Variants in TUBGCP4 observed in about 807,000 individuals in gnomAD.
The protein encoded by TUBGCP4 is gamma-tubulin complex component 4.
In TUBGCP4, 54 loss-of-function variants were observed where a neutral mutation model predicts 91.6. The observed-to-expected ratio is 0.59, with a 90% CI of 0.47 to 0.74. The LOEUF (loss-of-function observed/expected upper bound fraction) is 0.74. Ranked by LOEUF, TUBGCP4 falls within the 30% of genes least tolerant of loss-of-function variation. The probability of loss-of-function intolerance (pLI) is 0.00; values close to 1 mark genes in which losing one functional copy is unlikely to be tolerated. For missense variants in TUBGCP4, 593 were observed against 800.9 expected (o/e 0.74, Z 3.13); for synonymous variants, 297 against 302.8 (o/e 0.98, Z 0.20).
chr15:43,371,138 C>T lies in TUBGCP4; in HGVS notation c.-217C>T. On this transcript the variant is annotated 5_prime_UTR_variant, in exon 1 of 18. Transcript: ENST00000564079. ...GCCCGGGCGGGAGTAGCTGGTGGAC[C>T]CCGTTGAGCTGCCGAACTTCCGGGA... The T allele has an allele frequency of 3.3e-6, 2 of 604,598 alleles. No individual in the cohort carries two copies. Among genetic ancestry groups the T allele is most frequent in the East Asian group, 2.8e-5 (1 of 35,998 alleles). The allele number at this position is 604,598 out of a possible 1,614,324, so 37.5% of individuals were successfully genotyped here. A position where few individuals can be genotyped will look rare whatever the true frequency, so the allele number is the denominator to read the frequency against.
At chr15:43,395,724 T>G (rs1253238117) in intron 11 of TUBGCP4, 36 bp downstream of exon 11, 1 of 1,541,292 alleles carries the variant, frequency 6.5e-7, no homozygotes, top group East Asian at 2.2e-5. Context: ...ATCAACTGAT[T>G]GACATTGCAG....
chr15:43,381,616 C>G (rs1286861027), intron 6 of TUBGCP4, among the ~76,000 whole-genome samples: 1 of 151,964 alleles, frequency 6.6e-6, no homozygotes, highest in Non-Finnish European at 1.5e-5. Flanking sequence ...TGCCTGTAGT[C>G]CCAGCTACGG....
rs769525360 is a variant in TUBGCP4, at chr15:43,383,398, A to G, written c.617A>G (p.Lys206Arg). Residue 206 changes from lysine (K) to arginine (R), a missense_variant, in exon 7 of 18, where the codon AAA (lysine) becomes AGA (arginine). Lys to Arg is a conservative substitution (Grantham distance 26). Transcript: ENST00000564079. ...GACCAGCATGAAGAATTCTTTATCA[A>G]ACAGGGGCCATCTTCTGGTAATGTC... ...LLDQHEEFFI[K>R]QGPSSGNVSA... The G allele has an allele frequency of 1.1e-5, 17 of 1,614,144 alleles. No homozygotes were observed. Among genetic ancestry groups the G allele is most frequent in the Non-Finnish European group, 1.4e-5 (17 of 1,180,016 alleles).
intron 1 of TUBGCP4, among the ~76,000 whole-genome samples, chr15:43,375,784 C>T (rs1487426896): frequency 1.3e-5 from 2 of 152,184 alleles, no homozygotes; most frequent in African/African-American, 4.8e-5. Context: ...TCCTTAGAGA[C>T]CATCCCTAGA....
intron 1 of TUBGCP4, among the ~76,000 whole-genome samples, chr15:43,373,578 G>A (rs964929742): frequency 6.6e-6 from 1 of 151,732 alleles, no homozygotes; most frequent in African/African-American, 2.4e-5. Context: ...ACTTGCCTAA[G>A]CTTTCAAGCA....
chr15:43,409,092 T>C lies in TUBGCP4; in HGVS notation c.*3878T>C. The C allele has an allele frequency of 6.2e-7, 1 of 1,614,178 alleles. No individual in the cohort carries two copies. The highest frequency in any genetic ancestry group is 8.5e-7 in the Non-Finnish European group (1 of 1,180,004). Reference sequence around the variant, plus strand: ...AATTAGAAGACACTGGTAAGCTGTGTTACACTGCAAGAAAAGAAGCAGAGC... The same window carrying C: ...AATTAGAAGACACTGGTAAGCTGTGCTACACTGCAAGAAAAGAAGCAGAGC... On this transcript the variant is annotated 3_prime_UTR_variant, in exon 18 of 18. Coordinates refer to ENST00000564079, the MANE Select transcript of TUBGCP4 (RefSeq NM_014444.5).
At position 43,383,303 on chromosome 15, in the gene TUBGCP4, A is replaced by C. The variant is rs1385137848; in HGVS notation, c.522A>C (p.Lys174Asn). 1 of 1,612,496 alleles carries C rather than the reference A, an allele frequency of 6.2e-7. No individual in the cohort carries two copies. Among genetic ancestry groups the C allele is most frequent in the Non-Finnish European group, 8.5e-7 (1 of 1,179,122 alleles). The change falls in exon 7 of 18, where the codon AAA becomes AAC. Residue 174 changes from lysine to asparagine, a missense_variant and splice_region_variant. Lys to Asn is a moderately conservative substitution (Grantham distance 94). Transcript: ENST00000564079. ...GLPPVRSALE[K>N]ILAVCHGVMY... ...GCCTCTTACTTTCTACTCTGCCCAG[A>C]ATCCTGGCCGTTTGTCATGGGGTCA...
Position 43,403,722 on chromosome 15 carries a change from A to C in TUBGCP4, c.1771A>C (p.Ser591Arg). The C allele has an allele frequency of 2.5e-6, 4 of 1,613,348 alleles. No homozygotes were observed. Among genetic ancestry groups the C allele is most frequent in the Non-Finnish European group, 3.4e-6 (4 of 1,179,930 alleles). The part of the protein sequence containing the change: ...CLNEILDLCH[S>R]FCSLVSQNLG... ...GAATGAAATCCTAGATCTCTGTCAC[A>C]GTTTTTGTTCGCTGGTCAGTCAGAA... The change falls in exon 16 of 18, where the codon AGT (serine) becomes CGT (arginine). Residue 591 changes from serine (S) to arginine (R), a missense_variant. Ser to Arg is a moderately radical substitution (Grantham distance 110). Transcript: ENST00000564079.
In TUBGCP4 at chr15:43,408,092, T is replaced by C; in HGVS notation, c.*2878T>C. On this transcript the variant is annotated 3_prime_UTR_variant, in exon 18 of 18. Coordinates refer to ENST00000564079, the MANE Select transcript of TUBGCP4 (RefSeq NM_014444.5). ...GAAAGGATTTTCACGGGGTTGCCTA[T>C]GAAGGAGACAGGAAAGGACCTTAGC... The C allele has an allele frequency of 6.2e-7, 1 of 1,613,664 alleles. No individual in the cohort carries two copies. The highest frequency in any genetic ancestry group is 2.2e-5 in the East Asian group (1 of 44,882).
intron 9 of TUBGCP4, chr15:43,394,058 T>A (rs1478479471): frequency 1.3e-5 from 2 of 151,566 alleles, no homozygotes; most frequent in African/African-American, 4.9e-5. Flanking sequence ...TTAACAGATA[T>A]GTGACTTACA....
At position 43,409,228 on chromosome 15, in the gene TUBGCP4, C is replaced by G; in HGVS notation, c.*4014C>G. 2 of 759,372 alleles carry G rather than the reference C, an allele frequency of 2.6e-6. No homozygotes were observed. Among genetic ancestry groups the G allele is most frequent in the Non-Finnish European group, 4.3e-6 (2 of 462,160 alleles). The allele number at this position is 759,372 out of a possible 1,614,324, so 47.0% of individuals were successfully genotyped here. A position where few individuals can be genotyped will look rare whatever the true frequency, so the allele number is the denominator to read the frequency against. On this transcript the variant is annotated 3_prime_UTR_variant, in exon 18 of 18. Coordinates refer to ENST00000564079, the MANE Select transcript of TUBGCP4 (RefSeq NM_014444.5). ...TACCCAAAATGTGATTTAGTCTATC[C>G]TGCCCAAGGCCACTCTTCTCACTGG...
chr15:43,395,220 A>T (rs2044561522), intron 10 of TUBGCP4, 63 bp downstream of exon 10: 2 of 1,575,822 alleles, frequency 1.3e-6, no homozygotes, highest in African/African-American at 1.3e-5. Context: ...GCATTCTCTG[A>T]TGTTTCCTGA....
At chr15:43,399,766 G>A (rs192840968) in intron 13 of TUBGCP4, among the ~76,000 whole-genome samples, 13 of 152,162 alleles carry the variant, frequency 8.5e-5, no homozygotes, top group Admixed American at 3.3e-4. Flanking sequence ...GATTATAAGG[G>A]TATAATCTAA....
At chr15:43,372,433 G>GC (rs1357886037) in intron 1 of TUBGCP4, among the ~76,000 whole-genome samples, 1 of 152,180 alleles carries the variant, frequency 6.6e-6, no homozygotes, top group Non-Finnish European at 1.5e-5. Context: ...AAAAACAGGT[G>GC]AAGATTTGTG....
At chr15:43,397,134 G>C in intron 11 of TUBGCP4, 80 bp from the exon 12 acceptor site, 1 of 942,424 alleles carries the variant, frequency 1.1e-6, no homozygotes, top group South Asian at 1.3e-5. Flanking sequence ...AGCATGTTGG[G>C]GGAGAAGTGG....
In TUBGCP4 at chr15:43,407,149, G is replaced by T. The variant is rs1432420170; in HGVS notation, c.*1935G>T. 2.1e-5 allele frequency: 10 copies of T among 471,422 alleles called. No individual in the cohort carries two copies. Among genetic ancestry groups the T allele is most frequent in the Non-Finnish European group, 3.8e-5 (10 of 262,088 alleles). The allele number at this position is 471,422 out of a possible 1,614,324, so 29.2% of individuals were successfully genotyped here. A position where few individuals can be genotyped will look rare whatever the true frequency, so the allele number is the denominator to read the frequency against. ...GAATAAGCCTGTTGAAAGACTCAGA[G>T]AAAGTACTATGTCTTGTCATTTGTT... On this transcript the variant is annotated 3_prime_UTR_variant, in exon 18 of 18. Coordinates refer to ENST00000564079, the MANE Select transcript of TUBGCP4 (RefSeq NM_014444.5).
In TUBGCP4 at chr15:43,375,742, G is replaced by A. The variant is rs1217003437; in HGVS notation, c.79-356G>A. Among the ~76,000 whole-genome samples, 8 of 152,282 alleles carry A rather than the reference G, an allele frequency of 5.3e-5. No individual in the cohort carries two copies. In the East Asian group the frequency reaches 1.3e-3, roughly 26 times the overall value. On this transcript the variant is annotated intron_variant, in intron 1 of 17. Transcript: ENST00000564079. Reference sequence around the variant, plus strand: ...CCCATTTGAGCAATATTGCTAAAGAGACTTTGTTGCAACCAGGTCAAAACC... The same window carrying A: ...CCCATTTGAGCAATATTGCTAAAGAAACTTTGTTGCAACCAGGTCAAAACC...
chr15:43,393,024 A>G (rs992970296), intron 9 of TUBGCP4, among the ~76,000 whole-genome samples: 10 of 152,166 alleles, frequency 6.6e-5, no homozygotes, highest in Non-Finnish European at 1.2e-4. Context: ...TAAAAATGAA[A>G]TCATACAGTA....
Position 43,409,764 on chromosome 15 carries a change from G to T in TUBGCP4, c.*4550G>T. On this transcript the variant is annotated 3_prime_UTR_variant, in exon 18 of 18. Transcript: ENST00000564079. ...ATTCTATATTAAAAAAAAAAACCAA[G>T]ATAATAATTACTGAGTGGTTTTCTT... The T allele has an allele frequency of 2.5e-6, 3 of 1,221,720 alleles. No homozygotes were observed. Among genetic ancestry groups the T allele is most frequent in the South Asian group, 1.4e-5 (1 of 69,594 alleles). 75.7% of individuals were successfully genotyped at this position (1,221,720 alleles called of 1,614,324 possible). A position where few individuals can be genotyped will look rare whatever the true frequency, so the allele number is the denominator to read the frequency against.
Sources: allele counts gnomAD v4.1 joint callset (sites outside exome capture counted in the v4.1 genomes callset), GRCh38; gene constraint gnomAD v4.1.1; transcripts MANE v1.5; gene names NCBI Gene and HGNC (gene_info 2026-07-23, HGNC 2026-07-21).